DPP6: variants seen among roughly 807,000 people sequenced by gnomAD.
DPP6 encodes the protein dipeptidyl peptidase like 6.
In DPP6, 69 loss-of-function variants were observed where a neutral mutation model predicts 122.6. The observed-to-expected ratio is 0.56, with a 90% CI of 0.46 to 0.69. The LOEUF (loss-of-function observed/expected upper bound fraction) is 0.69. Among genes scored for constraint, DPP6 ranks in the 30% least tolerant of loss-of-function variants. The probability of loss-of-function intolerance (pLI) is 0.00; values close to 1 mark genes in which losing one functional copy is unlikely to be tolerated. For synonymous variants in DPP6, 418 were observed against 433.1 expected, an observed-to-expected ratio of 0.97 and a Z score of 0.43; for missense variants, 928 against 1,116.9, an observed-to-expected ratio of 0.83 and a Z score of 2.41.
upstream of DPP6, among the ~76,000 whole-genome samples, chr7:154,051,189 G>C (rs1243049798): frequency 8.0e-6 from 1 of 124,564 alleles, no homozygotes; most frequent in East Asian, 2.1e-4. Context: ...GGCAGTCCTG[G>C]GAGATGAAGC....
chr7:154,427,331 G>A (rs1817998672), intron 1 of DPP6, among the ~76,000 whole-genome samples: 3 of 152,136 alleles, frequency 2.0e-5, no homozygotes, highest in African/African-American at 4.8e-5. Flanking sequence ...ACAAATTTAC[G>A]CTTTATCTCT....
intron 1 of DPP6, among the ~76,000 whole-genome samples, chr7:154,243,758 T>C (rs899274103): frequency 1.3e-5 from 2 of 151,534 alleles, no homozygotes; most frequent in African/African-American, 4.9e-5. Context: ...ATCACGCCAC[T>C]GCACTCCAGC....
chr7:154,215,429 A>G (rs1184536972), intron 1 of DPP6, among the ~76,000 whole-genome samples: 3 of 152,200 alleles, frequency 2.0e-5, no homozygotes, highest in Non-Finnish European at 4.4e-5. Context: ...AAGTGGATTT[A>G]TAGAACTGAG....
At position 154,214,919 on chromosome 7, in the gene DPP6, A is replaced by G. The variant is rs1799919031; in HGVS notation, c.243+161856A>G. Among the ~76,000 whole-genome samples the G allele has an allele frequency of 4.6e-5, 7 of 152,022 alleles. 1 individual carries two copies. In the South Asian group the frequency reaches 1.5e-3, roughly 32 times the overall value. On this transcript the variant is annotated intron_variant, in intron 1 of 25. Coordinates refer to ENST00000377770, the MANE Select transcript of DPP6 (RefSeq NM_130797.4). ...GGTGACACAGTGGGATCCAGTCTCA[A>G]AACAAAATATGTGTCTTGCAGTGTT...
At chr7:154,416,057 A>T (rs1234280586) in intron 1 of DPP6, among the ~76,000 whole-genome samples, 1 of 152,130 alleles carries the variant, frequency 6.6e-6, no homozygotes, top group Non-Finnish European at 1.5e-5. Flanking sequence ...AGTATTAAAT[A>T]GAAAATTCCA....
intron 5 of DPP6, among the ~76,000 whole-genome samples, chr7:154,572,765 C>T (rs1306826743): frequency 6.6e-6 from 1 of 151,374 alleles, no homozygotes; most frequent in East Asian, 2.0e-4. Context: ...CTGCAACCTC[C>T]ACCTCCCAGG....
chr7:154,724,645 G>A (rs140546023), intron 7 of DPP6, among the ~76,000 whole-genome samples: 1 of 152,126 alleles, frequency 6.6e-6, no homozygotes, highest in Non-Finnish European at 1.5e-5. Flanking sequence ...CCCTCCAGGA[G>A]CTGGCTCCTG....
intron 1 of DPP6, among the ~76,000 whole-genome samples, chr7:154,162,334 A>G (rs1563263946): frequency 1.3e-5 from 2 of 152,206 alleles, no homozygotes; most frequent in Non-Finnish European, 2.9e-5. Flanking sequence ...AACTAATCCA[A>G]AGATGAAGTT....
intron 1 of DPP6, among the ~76,000 whole-genome samples, chr7:153,947,666 C>T (rs997202744): frequency 1.3e-5 from 2 of 152,158 alleles, no homozygotes; most frequent in African/African-American, 2.4e-5. Context: ...TGGATGAGGA[C>T]GCAGAGGTCA....
intron 23 of DPP6, among the ~76,000 whole-genome samples, chr7:154,888,087 C>CTT (rs532540671): frequency 3.2e-4 from 38 of 118,906 alleles, no homozygotes; most frequent in South Asian, 8.1e-4. Flanking sequence ...GGAGAGTGAG[C>CTT]TTTTTTTTTT....
intron 1 of DPP6, among the ~76,000 whole-genome samples, chr7:154,368,070 T>C (rs1426604798): frequency 6.6e-6 from 1 of 152,182 alleles, no homozygotes; most frequent in Non-Finnish European, 1.5e-5. Flanking sequence ...CTTCCCAAAG[T>C]GCTGGGAAGG....
chr7:154,860,970 G>A (rs1044312929), intron 17 of DPP6, among the ~76,000 whole-genome samples: 3 of 131,140 alleles, frequency 2.3e-5, no homozygotes, highest in Non-Finnish European at 3.0e-5. Flanking sequence ...GACTAAAAAT[G>A]TAAAAAGATG....
chr7:154,872,954 T>G (rs1804519418), intron 19 of DPP6, among the ~76,000 whole-genome samples: 1 of 152,202 alleles, frequency 6.6e-6, no homozygotes, highest in Non-Finnish European at 1.5e-5. Flanking sequence ...GTGAGGCTGC[T>G]GGGATCATCG....
In DPP6 at chr7:154,488,612, T is replaced by C. The variant is rs76424043; in HGVS notation, c.457+13575T>C. ...TCGTAAGTTTGATACTTGCCACTTA[T>C]TGATCATGTGCAGAATGTGCCAGAC... On this transcript the variant is annotated intron_variant, in intron 3 of 25. Transcript: ENST00000377770. Among the ~76,000 whole-genome samples, 359 of 152,004 alleles carry C rather than the reference T, an allele frequency of 2.4e-3. 2 individuals carry two copies. The highest frequency in any genetic ancestry group is 8.4e-3 in the African/African-American group (346 of 41,434).
At position 154,253,021 on chromosome 7, in the gene DPP6, G is replaced by C. The variant is rs184634303; in HGVS notation, c.244-193193G>C. ...AATATTGGGTAAACATGGAAAGAAGGGCTGCCTGTAATAAGCAGTAAAATA... is the reference window on the plus strand; with the variant it reads ...AATATTGGGTAAACATGGAAAGAAGCGCTGCCTGTAATAAGCAGTAAAATA... On this transcript the variant is annotated intron_variant, in intron 1 of 25. Transcript: ENST00000377770. Among the ~76,000 whole-genome samples, 9 of 152,260 alleles carry C rather than the reference G, an allele frequency of 5.9e-5. No homozygotes were observed. The East Asian group carries it at 1.7e-3, about 29-fold the overall frequency.
chr7:154,093,872 G>A (rs10270274), intron 1 of DPP6: 45,228 of 151,922 alleles, frequency 0.3, 6,913 homozygotes, highest in Admixed American at 0.38. Context: ...GGATCCCGCC[G>A]TGCTTCCTTC....
At chr7:154,793,289 T>G (rs997000479) in intron 10 of DPP6, among the ~76,000 whole-genome samples, 2 of 152,174 alleles carry the variant, frequency 1.3e-5, no homozygotes, top group African/African-American at 4.8e-5. Flanking sequence ...ATGGTCTTTT[T>G]GGGGCATTAA....
chr7:154,336,137 T>C (rs2151049298), intron 1 of DPP6, among the ~76,000 whole-genome samples: 1 of 152,210 alleles, frequency 6.6e-6, no homozygotes, highest in South Asian at 2.1e-4. Flanking sequence ...CCAGGACATC[T>C]TGCAGCCTCT....
At chr7:154,528,540 A>C (rs1297862266) in intron 3 of DPP6, among the ~76,000 whole-genome samples, 1 of 152,154 alleles carries the variant, frequency 6.6e-6, no homozygotes, top group Non-Finnish European at 1.5e-5. Context: ...TGATAGTATT[A>C]ATTGGCTCAA....
Sources: gnomAD v4.1 joint callset for allele counts (sites outside exome capture counted in the v4.1 genomes callset) on GRCh38, gnomAD v4.1.1 for gene constraint, MANE v1.5 for transcripts, NCBI Gene and HGNC (gene_info 2026-07-23, HGNC 2026-07-21) for gene names.